Variants in EPHB1 observed in about 807,000 individuals in gnomAD.
The protein encoded by EPHB1 is ephrin type-B receptor 1.
In EPHB1, 30 loss-of-function variants were observed where a neutral mutation model predicts 94.4. That is an observed-to-expected ratio of 0.32 (90% CI 0.24 to 0.43). The LOEUF (loss-of-function observed/expected upper bound fraction) is 0.43. Ranked by LOEUF, EPHB1 falls within the 20% of genes least tolerant of loss-of-function variation. EPHB1 has a pLI of 1.00. For synonymous variants in EPHB1, 522 were observed against 489.1 expected, an observed-to-expected ratio of 1.07 and a Z score of -0.89; for missense variants, 1,055 against 1,308.3, an observed-to-expected ratio of 0.81 and a Z score of 2.99.
At chr3:134,885,096 T>C (rs2037835882) in intron 1 of EPHB1, among the ~76,000 whole-genome samples, 1 of 152,176 alleles carries the variant, frequency 6.6e-6, no homozygotes. Context: ...GCATAAGCCA[T>C]GGTAAGGAGA....
chr3:135,084,746 A>G (rs2107788570), intron 3 of EPHB1, among the ~76,000 whole-genome samples: 1 of 152,326 alleles, frequency 6.6e-6, no homozygotes, highest in East Asian at 1.9e-4. Flanking sequence ...TAGAACATGA[A>G]TGAGAATGTA....
chr3:135,106,756 C>G lies in EPHB1; in HGVS notation c.961+153C>G, dbSNP rs536651536. On this transcript the variant is annotated intron_variant, in intron 4 of 15. Coordinates refer to ENST00000398015, the MANE Select transcript of EPHB1 (RefSeq NM_004441.5). ...TGCTGAAACATACAACTCCTATGCT[C>G]GGAGTTCAGAGGCCTTGTCCCTACG... 4.6e-5 allele frequency among the ~76,000 whole-genome samples: 7 copies of G among 152,284 alleles called. No homozygotes were observed. The South Asian group carries it at 8.3e-4, about 18-fold the overall frequency.
chr3:135,110,287 T>C (rs1939389739), intron 4 of EPHB1, among the ~76,000 whole-genome samples: 1 of 152,182 alleles, frequency 6.6e-6, no homozygotes, highest in Non-Finnish European at 1.5e-5. Context: ...GCAATGGGCT[T>C]CCCTCTGCAG....
At chr3:134,809,479 C>G (rs934928458) in intron 1 of EPHB1, among the ~76,000 whole-genome samples, 1 of 152,120 alleles carries the variant, frequency 6.6e-6, no homozygotes, top group Admixed American at 6.5e-5. Context: ...ACTCACCTGA[C>G]TAACTTGTTC....
At chr3:134,908,971 C>A (rs572763275) in intron 1 of EPHB1, among the ~76,000 whole-genome samples, 2 of 151,568 alleles carry the variant, frequency 1.3e-5, no homozygotes, top group South Asian at 4.2e-4. Flanking sequence ...TTGTTGTGGT[C>A]CTGGAATCCA....
At position 135,179,023 on chromosome 3, in the gene EPHB1, T is replaced by G. The variant is rs113438840; in HGVS notation, c.1760-837T>G. Reference sequence around the variant, plus strand: ...GGTTTCTTGGGTTCCATTTCCTTTTTTTTTGTTCCCTCTCCTCTACTTTTT... The same window carrying G: ...GGTTTCTTGGGTTCCATTTCCTTTTGTTTTGTTCCCTCTCCTCTACTTTTT... On this transcript the variant is annotated intron_variant, in intron 9 of 15. Transcript: ENST00000398015. Among the ~76,000 whole-genome samples, 1,355 of 152,298 alleles carry G rather than the reference T, an allele frequency of 8.9e-3. 21 individuals are homozygous for G. Among genetic ancestry groups the G allele is most frequent in the African/African-American group, 0.031 (1,268 of 41,554 alleles).
intron 1 of EPHB1, among the ~76,000 whole-genome samples, chr3:134,861,612 GGA>G (rs2037260940): frequency 6.6e-6 from 1 of 152,180 alleles, no homozygotes. Context: ...ATGGGAGCGG[GGA>G]GAGTGTGAGG....
At chr3:134,841,035 G>C (rs892184250) in intron 1 of EPHB1, among the ~76,000 whole-genome samples, 5 of 152,188 alleles carry the variant, frequency 3.3e-5, no homozygotes, top group African/African-American at 1.2e-4. Context: ...TCTGGGGTAT[G>C]GGCCCCTTCC....
intron 6 of EPHB1, 57 bp downstream of exon 6, chr3:135,154,333 A>T (rs1941288789): frequency 6.2e-7 from 1 of 1,607,480 alleles, no homozygotes; most frequent in African/African-American, 1.3e-5. Context: ...TGTTCCATGG[A>T]TGGTTGCTAG....
intron 1 of EPHB1, chr3:134,852,588 G>A (rs1170869384): frequency 6.6e-6 from 1 of 152,174 alleles, no homozygotes; most frequent in South Asian, 2.1e-4. Flanking sequence ...CGCACAAAAG[G>A]AGCATTTGGA....
intron 5 of EPHB1, among the ~76,000 whole-genome samples, chr3:135,144,019 T>G (rs12486464): frequency 0.98 from 149,188 of 152,202 alleles, 73,174 homozygotes; most frequent in East Asian, 1. Context: ...TCTCCCTAAG[T>G]GCACAAGGGG....
At position 134,805,944 on chromosome 3, in the gene EPHB1, G is replaced by A. The variant is rs78195554; in HGVS notation, c.58+10255G>A. Among the ~76,000 whole-genome samples the A allele has an allele frequency of 2.2e-3, 329 of 152,150 alleles. 3 individuals carry two copies. The highest frequency in any genetic ancestry group is 7.5e-3 in the African/African-American group (310 of 41,482). ...ATTTTGCTGGGTACCCCACAGCTCC[G>A]TGAGCCTCTGAAGCATGGGTTCTAT... On this transcript the variant is annotated intron_variant, in intron 1 of 15. Transcript: ENST00000398015.
At position 135,104,894 on chromosome 3, in the gene EPHB1, G is replaced by A. The variant is rs1424821327; in HGVS notation, c.806-1554G>A. ...GGAGTGAGATAACTTTCACAGCATA[G>A]GAAACAATTCTTTCTTCTTGTCTTA... On this transcript the variant is annotated intron_variant, in intron 3 of 15. Coordinates refer to ENST00000398015, the MANE Select transcript of EPHB1 (RefSeq NM_004441.5). 3.3e-5 allele frequency among the ~76,000 whole-genome samples: 5 copies of A among 152,194 alleles called. No individual in the cohort carries two copies. In the South Asian group the frequency reaches 8.3e-4, roughly 25 times the overall value.
At chr3:134,996,443 C>T (rs1191693771) in intron 3 of EPHB1, among the ~76,000 whole-genome samples, 1 of 152,168 alleles carries the variant, frequency 6.6e-6, no homozygotes, top group Admixed American at 6.5e-5. Flanking sequence ...ACCTCAGTTT[C>T]CCAAAGTGCT....
chr3:134,814,364 A>G (rs1578107037), intron 1 of EPHB1, among the ~76,000 whole-genome samples: 4 of 152,346 alleles, frequency 2.6e-5, no homozygotes, highest in South Asian at 2.1e-4. Flanking sequence ...GAGAAGTAGC[A>G]GAAGCAGAAG....
intron 3 of EPHB1, among the ~76,000 whole-genome samples, chr3:134,960,020 G>A (rs1006313365): frequency 2.6e-5 from 3 of 117,062 alleles, no homozygotes; most frequent in African/African-American, 3.2e-5. Flanking sequence ...CATGGACGGA[G>A]ACTCACCACT....
At chr3:135,090,655 T>C (rs2107791180) in intron 3 of EPHB1, among the ~76,000 whole-genome samples, 1 of 152,304 alleles carries the variant, frequency 6.6e-6, no homozygotes, top group South Asian at 2.1e-4. Flanking sequence ...GCCACTTTCC[T>C]CTAAATAATC....
At chr3:135,233,655 G>A (rs533298072) in intron 12 of EPHB1, among the ~76,000 whole-genome samples, 11 of 152,304 alleles carry the variant, frequency 7.2e-5, no homozygotes, top group African/African-American at 1.2e-4. Context: ...CCAACCTAAC[G>A]TTTCCCTTCC....
At chr3:134,906,822 T>C (rs887472019) in intron 1 of EPHB1, among the ~76,000 whole-genome samples, 2 of 152,220 alleles carry the variant, frequency 1.3e-5, no homozygotes, top group African/African-American at 4.8e-5. Flanking sequence ...CCTGTGCTGC[T>C]TTGCAGCCCA....
Sources: gnomAD v4.1 joint callset for allele counts (sites outside exome capture counted in the v4.1 genomes callset) on GRCh38, gnomAD v4.1.1 for gene constraint, MANE v1.5 for transcripts, NCBI Gene and HGNC (gene_info 2026-07-23, HGNC 2026-07-21) for gene names.